Variants in KCNAB1 observed in about 807,000 individuals in gnomAD.
KCNAB1 encodes potassium voltage-gated channel subfamily A regulatory beta subunit 1.
In KCNAB1, 35 loss-of-function variants were observed where a neutral mutation model predicts 64.6. The ratio of observed to expected loss-of-function variants is 0.54; its 90% CI spans 0.41 to 0.72. The LOEUF (loss-of-function observed/expected upper bound fraction) is 0.72. KCNAB1 is among the 30% of genes least tolerant of loss of function. The pLI, the probability that KCNAB1 is intolerant of heterozygous loss-of-function variation, is 0.00. For missense variants in KCNAB1, 401 were observed against 512.9 expected, an observed-to-expected ratio of 0.78 and a Z score of 2.11; for synonymous variants, 177 against 183.8, an observed-to-expected ratio of 0.96 and a Z score of 0.30.
chr3:156,358,833 T>C (rs1413083991), intron 1 of KCNAB1, among the ~76,000 whole-genome samples: 6 of 152,180 alleles, frequency 3.9e-5, no homozygotes, highest in Admixed American at 1.3e-4. Flanking sequence ...TTAAAACATC[T>C]AGAAGCATGT....
At chr3:156,129,646 A>T (rs1021166845) in intron 1 of KCNAB1, among the ~76,000 whole-genome samples, 2 of 152,204 alleles carry the variant, frequency 1.3e-5, no homozygotes, top group South Asian at 4.1e-4. Context: ...ATTAAATGAG[A>T]TAATATCCAT....
Position 156,537,303 on chromosome 3 carries a change from T to A in KCNAB1, c.*556T>A, listed in dbSNP as rs373087747. ...CTTGGAAGAATAAGCAGAAATAATT[T>A]TATATATTTTTTTTCTATTTTCACA... On this transcript the variant is annotated 3_prime_UTR_variant, in exon 14 of 14. Coordinates refer to ENST00000490337, the MANE Select transcript of KCNAB1 (RefSeq NM_172160.3). 7 of 361,528 alleles carry A rather than the reference T, an allele frequency of 1.9e-5. No individual in the cohort carries two copies. In the Admixed American group the frequency reaches 2.7e-4, roughly 14 times the overall value. 22.4% of individuals were successfully genotyped at this position (361,528 alleles called of 1,614,324 possible). A position where few individuals can be genotyped will look rare whatever the true frequency, so the allele number is the denominator to read the frequency against.
chr3:156,527,138 AAAAAT>A (rs1381883395), intron 12 of KCNAB1, among the ~76,000 whole-genome samples: 7 of 152,194 alleles, frequency 4.6e-5, no homozygotes, highest in South Asian at 2.1e-4. Context: ...CCTTTCTTCA[AAAAAT>A]AAAATAAAAT....
intron 1 of KCNAB1, among the ~76,000 whole-genome samples, chr3:156,348,424 G>A (rs1724639318): frequency 6.6e-6 from 1 of 152,184 alleles, no homozygotes; most frequent in Non-Finnish European, 1.5e-5. Context: ...AGATATATTA[G>A]GGGTGGGACT....
chr3:156,377,324 C>T (rs936050145), intron 1 of KCNAB1, among the ~76,000 whole-genome samples: 1 of 152,098 alleles, frequency 6.6e-6, no homozygotes, highest in Non-Finnish European at 1.5e-5. Context: ...GGTCACAAGC[C>T]TACCTGTGAG....
At position 156,298,219 on chromosome 3, in the gene KCNAB1, G is replaced by A. The variant is rs537392217; in HGVS notation, c.276-123397G>A. Among the ~76,000 whole-genome samples the A allele has an allele frequency of 7.2e-5, 11 of 152,262 alleles. No individual in the cohort carries two copies. The South Asian group carries it at 1.4e-3, about 20-fold the overall frequency. ...GAGGGAGCCTCCTGGAAGTTATTAC[G>A]CAAACATTGTTCCAGTTCTATGGTT... On this transcript the variant is annotated intron_variant, in intron 1 of 13. Coordinates refer to ENST00000490337, the MANE Select transcript of KCNAB1 (RefSeq NM_172160.3).
intron 1 of KCNAB1, among the ~76,000 whole-genome samples, chr3:156,329,520 G>A (rs936614185): frequency 2.6e-5 from 4 of 152,144 alleles, no homozygotes; most frequent in Admixed American, 6.5e-5. Context: ...GATGGGAATA[G>A]GTTGGATAGT....
rs1485089902 is a variant in KCNAB1, at chr3:156,538,560, A to G, written c.*1813A>G. On this transcript the variant is annotated 3_prime_UTR_variant, in exon 14 of 14. Coordinates refer to ENST00000490337, the MANE Select transcript of KCNAB1 (RefSeq NM_172160.3). ...TCTAATGGGAAATGTGATTTGATTGATTTATTTGCTTAGAGTAATAAAAGC... is the reference window on the plus strand; with the variant it reads ...TCTAATGGGAAATGTGATTTGATTGGTTTATTTGCTTAGAGTAATAAAAGC... 1 of 149,850 alleles carries G rather than the reference A, an allele frequency of 6.7e-6. No homozygotes were observed. Among genetic ancestry groups the G allele is most frequent in the East Asian group, 1.9e-4 (1 of 5,198 alleles). 9.3% of individuals were successfully genotyped at this position (149,850 alleles called of 1,614,324 possible). A position where few individuals can be genotyped will look rare whatever the true frequency, so the allele number is the denominator to read the frequency against.
intron 1 of KCNAB1, among the ~76,000 whole-genome samples, chr3:156,262,379 T>C (rs1005041099): frequency 6.6e-6 from 1 of 151,950 alleles, no homozygotes; most frequent in Admixed American, 6.6e-5. Flanking sequence ...TAGTTTTTGC[T>C]TGGGAAAGTT....
chr3:156,371,363 G>C (rs915917921), intron 1 of KCNAB1, among the ~76,000 whole-genome samples: 8 of 152,130 alleles, frequency 5.3e-5, no homozygotes, highest in African/African-American at 1.9e-4. Flanking sequence ...GTTATTGGGA[G>C]GGTAAAGTCA....
chr3:156,238,325 G>A (rs1189081044), intron 1 of KCNAB1, among the ~76,000 whole-genome samples: 1 of 151,652 alleles, frequency 6.6e-6, no homozygotes, highest in Non-Finnish European at 1.5e-5. Flanking sequence ...GGGAGGCTGA[G>A]GCAGGAGAAT....
chr3:156,362,271 G>A (rs1725663647), intron 1 of KCNAB1, among the ~76,000 whole-genome samples: 1 of 152,182 alleles, frequency 6.6e-6, no homozygotes, highest in South Asian at 2.1e-4. Context: ...AGAATGACGT[G>A]ATTATTATTG....
intron 1 of KCNAB1, among the ~76,000 whole-genome samples, chr3:156,299,427 A>G (rs775204260): frequency 3.3e-5 from 5 of 152,190 alleles, no homozygotes; most frequent in Non-Finnish European, 7.3e-5. Flanking sequence ...ACATAAATTA[A>G]CTTCCAGATG....
intron 1 of KCNAB1, among the ~76,000 whole-genome samples, chr3:156,264,668 C>T (rs1718600629): frequency 6.6e-6 from 1 of 151,932 alleles, no homozygotes; most frequent in Non-Finnish European, 1.5e-5. Flanking sequence ...ATTCCTTATC[C>T]TTTGTATTAT....
chr3:156,233,171 A>G (rs1716635710), intron 1 of KCNAB1, among the ~76,000 whole-genome samples: 1 of 152,220 alleles, frequency 6.6e-6, no homozygotes, highest in Non-Finnish European at 1.5e-5. Context: ...TGTGGAGCTT[A>G]TGTGAGTAGC....
intron 1 of KCNAB1, among the ~76,000 whole-genome samples, chr3:156,124,459 C>T (rs1188022416): frequency 5.9e-5 from 9 of 151,930 alleles, no homozygotes; most frequent in South Asian, 4.2e-4. Flanking sequence ...TCAAGTGATC[C>T]GCCCGCCTTA....
intron 12 of KCNAB1, among the ~76,000 whole-genome samples, chr3:156,526,275 G>A (rs944482301): frequency 8.5e-5 from 13 of 152,078 alleles, no homozygotes; most frequent in East Asian, 3.8e-4. Flanking sequence ...TGAGGAAAAC[G>A]CCTAACAATG....
chr3:156,511,146 C>A (rs970521888), intron 8 of KCNAB1, among the ~76,000 whole-genome samples: 3 of 152,122 alleles, frequency 2.0e-5, no homozygotes, highest in Admixed American at 6.5e-5. Flanking sequence ...CTCTGTCCCC[C>A]ATGCTGGAGT....
In KCNAB1 at chr3:156,452,837, T is replaced by C; in HGVS notation, c.320-62T>C. On this transcript the variant is annotated intron_variant, in intron 2 of 13. Transcript: ENST00000490337. The surrounding 1 kb of genome is among the most constrained non-coding windows in gnomAD (Gnocchi z 4.6). ...GGTAGTCCCAAAGTAAGAATTTCCC[T>C]TATTACGCACAATATTAGAAAAATG... 1 of 1,295,792 alleles carries C rather than the reference T, an allele frequency of 7.7e-7. No individual in the cohort carries two copies. The highest frequency in any genetic ancestry group is 1.9e-5 in the Admixed American group (1 of 53,096). 80.3% of individuals were successfully genotyped at this position (1,295,792 alleles called of 1,614,324 possible).
Sources: allele counts gnomAD v4.1 joint callset (sites outside exome capture counted in the v4.1 genomes callset), GRCh38; gene constraint gnomAD v4.1.1; non-coding constraint Gnocchi (gnomAD v3.1); transcripts MANE v1.5; gene names NCBI Gene and HGNC (gene_info 2026-07-23, HGNC 2026-07-21).